NDUFV1: variants seen among roughly 807,000 people sequenced by gnomAD.
The protein encoded by NDUFV1 is NADH dehydrogenase [ubiquinone] flavoprotein 1, mitochondrial.
In NDUFV1, 41 loss-of-function variants were observed where a neutral mutation model predicts 48.7. That is an observed-to-expected ratio of 0.84 (90% CI 0.66 to 1.09). The LOEUF (loss-of-function observed/expected upper bound fraction) is 1.09. Ranked by LOEUF, NDUFV1 falls within the 50% of genes least tolerant of loss-of-function variation. NDUFV1 has a pLI of 0.00. For synonymous variants in NDUFV1, 231 were observed against 259.1 expected, an observed-to-expected ratio of 0.89 and a Z score of 1.04; for missense variants, 580 against 645.4, an observed-to-expected ratio of 0.90 and a Z score of 1.10.
chr11:67,610,860 A>T, intron 5 of NDUFV1, 135 bp from the exon 6 acceptor site: 1 of 902,866 alleles, frequency 1.1e-6, no homozygotes, highest in Non-Finnish European at 1.8e-6. Context: ...TTTGGGGTCC[A>T]GCAGGGATAA....
intron 1 of NDUFV1, chr11:67,608,155 G>A: frequency 1.8e-6 from 1 of 558,374 alleles, no homozygotes; most frequent in Admixed American, 3.1e-5. Context: ...GAACCTGGGA[G>A]GTGGAGTTTG....
rs1298523596 is a variant in NDUFV1 at position 67,612,350 on chromosome 11, A to C, written c.1309-22A>C. 6.2e-7 allele frequency: 1 copy of C among 1,613,610 alleles called. No individual in the cohort carries two copies. The highest frequency in any genetic ancestry group is 1.3e-5 in the African/African-American group (1 of 74,894). ...GGGGGATTTTTGGACTCTGTTTCAC[A>C]TGGTCCCCCCACCGACCCCAGGGTC... is the stretch of plus-strand genomic sequence containing the variant. On this transcript the variant is annotated intron_variant, in intron 9 of 9. Transcript: ENST00000322776. This position sits in a 1 kb window ranked among gnomAD's most constrained non-coding sequence, Gnocchi z 4.4.
chr11:67,609,458 G>A lies in NDUFV1; in HGVS notation c.333G>A (p.Lys111=). The change falls in exon 4 of 10, where the codon AAG becomes AAA. Residue 111 remains lysine (K), a synonymous_variant. Coordinates refer to ENST00000322776, the MANE Select transcript of NDUFV1 (RefSeq NM_007103.4). Reference sequence around the variant, plus strand: ...GACCTGTGGGCCCCTGCAGGCCCAAGTATCTGGTGGTGAACGCAGACGAGG... The same window carrying A: ...GACCTGTGGGCCCCTGCAGGCCCAAATATCTGGTGGTGAACGCAGACGAGG... The part of the protein sequence containing the change: ...FMNKPSDGRP[K]YLVVNADEGE... 1.2e-6 allele frequency: 2 copies of A among 1,613,480 alleles called. No individual in the cohort carries two copies. The highest frequency in any genetic ancestry group is 2.2e-5 in the East Asian group (1 of 44,878).
At chr11:67,609,973 C>G in intron 4 of NDUFV1, 1 of 356,434 alleles carries the variant, frequency 2.8e-6, no homozygotes, top group Non-Finnish European at 5.1e-6. Context: ...GGAGAAAATA[C>G]ATTATGTTCA....
Position 67,612,094 on chromosome 11 carries a change from G to A in NDUFV1, c.1163-26G>A. 1 of 1,613,564 alleles carries A rather than the reference G, an allele frequency of 6.2e-7. No homozygotes were observed. Among genetic ancestry groups the A allele is most frequent in the Non-Finnish European group, 8.5e-7 (1 of 1,179,980 alleles). ...ACATCCTGGCTGGGGAGATCATCAGGCCCTCTCTTGTGGCTGTGGCTGCAG... is the reference window on the plus strand; with the variant it reads ...ACATCCTGGCTGGGGAGATCATCAGACCCTCTCTTGTGGCTGTGGCTGCAG... On this transcript the variant is annotated intron_variant, in intron 8 of 9. Transcript: ENST00000322776. This position sits in a 1 kb window ranked among gnomAD's most constrained non-coding sequence, Gnocchi z 4.4.
chr11:67,610,561 G>C lies in NDUFV1; in HGVS notation c.691G>C (p.Ala231Pro). The change falls in exon 5 of 10, where the codon GCA becomes CCA. Residue 231 changes from alanine to proline, a missense_variant. Transcript: ENST00000322776. ...GKPRLKPPFP[A>P]DVGVFGCPTT... ...GCCCCGCCTGAAGCCCCCCTTCCCC[G>C]CAGACGTGGGTAAGGCCTGGCGTAA... is the stretch of plus-strand genomic sequence containing the variant. 1 of 1,613,976 alleles carries C rather than the reference G, an allele frequency of 6.2e-7. No homozygotes were observed. Among genetic ancestry groups the C allele is most frequent in the Non-Finnish European group, 8.5e-7 (1 of 1,179,990 alleles).
At position 67,608,145 on chromosome 11, in the gene NDUFV1, G is replaced by C. The variant is rs1407129190; in HGVS notation, c.73-251G>C. On this transcript the variant is annotated intron_variant, in intron 1 of 9. Transcript: ENST00000322776. ...AGAGGCTGAGGCACAAGAATTATTT[G>C]AACCTGGGAGGTGGAGTTTGCAGTG... 1.3e-4 allele frequency: 68 copies of C among 539,524 alleles called. No individual in the cohort carries two copies. In the Admixed American group the frequency reaches 2.1e-3, roughly 17 times the overall value. 33.4% of individuals were successfully genotyped at this position (539,524 alleles called of 1,614,324 possible).
rs1854924881 is a variant in NDUFV1, at chr11:67,611,979, G to T, written c.1162+1G>T. On this transcript the variant is annotated splice_donor_variant, in intron 8 of 9. Coordinates refer to ENST00000322776, the MANE Select transcript of NDUFV1 (RefSeq NM_007103.4). LOFTEE classifies it high-confidence loss of function. This position sits in a 1 kb window ranked among gnomAD's most constrained non-coding sequence, Gnocchi z 4.2. ...GGCCAGTGTACCCCATGCCGTGAGG[G>T]TGAGCATCGGGCAGGTTGGGGGCTT... The T allele has an allele frequency of 1.9e-6, 3 of 1,613,836 alleles. No individual in the cohort carries two copies. Among genetic ancestry groups the T allele is most frequent in the Non-Finnish European group, 2.5e-6 (3 of 1,180,010 alleles).
Position 67,611,493 on chromosome 11 carries a change from T to A in NDUFV1, c.1004T>A (p.Val335Glu). 6.2e-7 allele frequency: 1 copy of A among 1,613,942 alleles called. No homozygotes were observed. The highest frequency in any genetic ancestry group is 8.5e-7 in the Non-Finnish European group (1 of 1,179,952). ...PLIPKSVCET[V>E]LMDFDALVQA... The stretch of plus-strand genomic sequence containing the variant: ...ATCCCCAAGTCTGTGTGTGAGACGG[T>A]GCTGATGGACTTCGATGCGCTGGTG... The change falls in exon 7 of 10, where the codon GTG becomes GAG. Residue 335 changes from valine to glutamate, a missense_variant. Transcript: ENST00000322776. The surrounding 1 kb of genome is among the most constrained non-coding windows in gnomAD (Gnocchi z 4.2).
chr11:67,610,627 T>C lies in NDUFV1; in HGVS notation c.700+57T>C, dbSNP rs781109552. 4 of 1,593,084 alleles carry C rather than the reference T, an allele frequency of 2.5e-6. No homozygotes were observed. The South Asian group carries it at 4.5e-5, about 18-fold the overall frequency. ...TGTCCTGTGACACCCGGGATCTGGC[T>C]AGGCTCCCTTTGGATTGTTCTTAGG... On this transcript the variant is annotated intron_variant, in intron 5 of 9. Transcript: ENST00000322776.
intron 1 of NDUFV1, chr11:67,607,285 C>T (rs759789813): frequency 5.4e-5 from 38 of 710,168 alleles, no homozygotes; most frequent in South Asian, 3.9e-4. Flanking sequence ...TTGCTGGCTT[C>T]CCTTGTTTTA....
chr11:67,608,631 G>A lies in NDUFV1; in HGVS notation c.235G>A (p.Glu79Lys), dbSNP rs767534263. Residue 79 changes from glutamate to lysine, a missense_variant, in exon 3 of 10, where the codon GAG becomes AAG. By Grantham distance (56) the Glu-to-Lys change is moderately conservative. Coordinates refer to ENST00000322776, the MANE Select transcript of NDUFV1 (RefSeq NM_007103.4). The part of the protein sequence containing the change: ...LLKGPDWILG[E>K]IKTSGLRGRG... Reference sequence around the variant, plus strand: ...GAAGGGGCCCGACTGGATCCTGGGCGAGATCAAGACATCGGGTTTGAGGGG... The same window carrying A: ...GAAGGGGCCCGACTGGATCCTGGGCAAGATCAAGACATCGGGTTTGAGGGG... 1 of 1,614,168 alleles carries A rather than the reference G, an allele frequency of 6.2e-7. No homozygotes were observed. Among genetic ancestry groups the A allele is most frequent in the East Asian group, 2.2e-5 (1 of 44,884 alleles).
rs1175840697 is a variant in NDUFV1 at position 67,611,532 on chromosome 11, G to A, written c.1043G>A (p.Gly348Asp). 1 of 1,612,016 alleles carries A rather than the reference G, an allele frequency of 6.2e-7. No homozygotes were observed. Among genetic ancestry groups the A allele is most frequent in the Non-Finnish European group, 8.5e-7 (1 of 1,179,132 alleles). Residue 348 changes from glycine to aspartate, a missense_variant, in exon 7 of 10, where the codon GGC (glycine) becomes GAC (aspartate). Physicochemically the swap from Gly to Asp is moderately conservative, Grantham distance 94. Coordinates refer to ENST00000322776, the MANE Select transcript of NDUFV1 (RefSeq NM_007103.4). The surrounding 1 kb of genome is among the most constrained non-coding windows in gnomAD (Gnocchi z 4.2). Reference sequence around the variant, plus strand: ...GATGCGCTGGTGCAGGCACAGACAGGCCTGGGCACAGCTGCGGTGATCGTC... The same window carrying A: ...GATGCGCTGGTGCAGGCACAGACAGACCTGGGCACAGCTGCGGTGATCGTC... ...DFDALVQAQT[G>D]LGTAAVIVMD... is the part of the protein sequence containing the mutation.
intron 4 of NDUFV1, chr11:67,610,158 T>C (rs1854885001): frequency 1.7e-6 from 1 of 585,538 alleles, no homozygotes. Flanking sequence ...TCGTTTTTAT[T>C]TTCCTGGCAG....
chr11:67,611,945 G>A lies in NDUFV1; in HGVS notation c.1129G>A (p.Glu377Lys). The A allele has an allele frequency of 2.5e-6, 4 of 1,614,066 alleles. No homozygotes were observed. Among genetic ancestry groups the A allele is most frequent in the Non-Finnish European group, 3.4e-6 (4 of 1,180,026 alleles). Residue 377 changes from glutamate (E) to lysine (K), a missense_variant, in exon 8 of 10, where the codon GAG (glutamate) becomes AAG (lysine). By Grantham distance (56) the Glu-to-Lys change is moderately conservative (BLOSUM62 1). Transcript: ENST00000322776. This position sits in a 1 kb window ranked among gnomAD's most constrained non-coding sequence, Gnocchi z 4.2. ...CCGCCTCATTGAGTTCTATAAGCAC[G>A]AGAGCTGTGGCCAGTGTACCCCATG... ...IARLIEFYKHESCGQCTPCRE... is the reference protein window; with the variant it reads ...IARLIEFYKHKSCGQCTPCRE...
rs2134086618 is a variant in NDUFV1 at position 67,612,318 on chromosome 11, G to A, written c.1308+53G>A. 1.2e-6 allele frequency: 2 copies of A among 1,613,958 alleles called. No homozygotes were observed. The highest frequency in any genetic ancestry group is 2.2e-5 in the South Asian group (2 of 91,082). ...GAGGGTGGGTGGCATCAAGGGCCCA[G>A]GGTGTTGGGGGATTTTTGGACTCTG... On this transcript the variant is annotated intron_variant, in intron 9 of 9. Coordinates refer to ENST00000322776, the MANE Select transcript of NDUFV1 (RefSeq NM_007103.4). The surrounding 1 kb of genome is among the most constrained non-coding windows in gnomAD (Gnocchi z 4.4).
rs777516624 is a variant in NDUFV1 at position 67,611,863 on chromosome 11, C to T, written c.1081-34C>T. ...GCTGAGGCCCAGGCTTCTGTCTGGCCGTGGGTGCCTGCTAATTGCCCCTCG... is the reference window on the plus strand; with the variant it reads ...GCTGAGGCCCAGGCTTCTGTCTGGCTGTGGGTGCCTGCTAATTGCCCCTCG... On this transcript the variant is annotated intron_variant, in intron 7 of 9. Coordinates refer to ENST00000322776, the MANE Select transcript of NDUFV1 (RefSeq NM_007103.4). This position sits in a 1 kb window ranked among gnomAD's most constrained non-coding sequence, Gnocchi z 4.2. 2.1e-5 allele frequency: 34 copies of T among 1,610,402 alleles called. No homozygotes were observed. Among genetic ancestry groups the T allele is most frequent in the South Asian group, 1.3e-4 (12 of 90,990 alleles).
At position 67,612,549 on chromosome 11, in the gene NDUFV1, T is replaced by C; in HGVS notation, c.*91T>C. The C allele has an allele frequency of 7.1e-7, 1 of 1,415,716 alleles. No homozygotes were observed. The highest frequency in any genetic ancestry group is 2.4e-4 in the Middle Eastern group (1 of 4,118). 87.7% of individuals were successfully genotyped at this position (1,415,716 alleles called of 1,614,324 possible). A position where few individuals can be genotyped will look rare whatever the true frequency, so the allele number is the denominator to read the frequency against. On this transcript the variant is annotated 3_prime_UTR_variant, in exon 10 of 10. Coordinates refer to ENST00000322776, the MANE Select transcript of NDUFV1 (RefSeq NM_007103.4). This position sits in a 1 kb window ranked among gnomAD's most constrained non-coding sequence, Gnocchi z 4.4. The stretch of plus-strand genomic sequence containing the variant: ...GCCCACCCTCCAGCTGCCGCTGCTG[T>C]GACTGTGCTCTTTACCCTTTACCCA...
chr11:67,606,964 A>T lies in NDUFV1; in HGVS notation c.-41A>T, dbSNP rs765543882. 5.0e-6 allele frequency: 8 copies of T among 1,594,802 alleles called. No homozygotes were observed. The highest frequency in any genetic ancestry group is 1.6e-4 in the Middle Eastern group (1 of 6,064). ...GCGCCAGTTCCTCAGCCTCAGTGCTATGAAGGTGACAGCGTGAGGTGACCC... is the reference window on the plus strand; with the variant it reads ...GCGCCAGTTCCTCAGCCTCAGTGCTTTGAAGGTGACAGCGTGAGGTGACCC... On this transcript the variant is annotated 5_prime_UTR_variant, in exon 1 of 10. An upstream start codon of the reference 5' UTR is lost. Transcript: ENST00000322776.
Sources: gnomAD v4.1 joint callset for allele counts on GRCh38, gnomAD v4.1.1 for gene constraint, Gnocchi (gnomAD v3.1) non-coding constraint, MANE v1.5 for transcripts, NCBI Gene and HGNC (gene_info 2026-07-23, HGNC 2026-07-21) for gene names.